SLC35F4: variants seen among roughly 807,000 people sequenced by gnomAD.
SLC35F4 encodes chromosome 14 open reading frame 36.
Under a neutral mutation model 44.2 loss-of-function variants are expected in SLC35F4, and 24 were observed. That is an observed-to-expected ratio of 0.54 (90% CI 0.39 to 0.76). The LOEUF (loss-of-function observed/expected upper bound fraction) is 0.76. Ranked by LOEUF, SLC35F4 falls within the 30% of genes least tolerant of loss-of-function variation. The pLI is 0.00. For synonymous variants in SLC35F4, 238 were observed against 223.6 expected (o/e 1.06, Z -0.57); for missense variants, 562 against 586.1 (o/e 0.96, Z 0.42).
intron 5 of SLC35F4, 21 bp from the exon 6 acceptor site, chr14:57,570,001 T>G (rs1210664621): frequency 6.4e-7 from 1 of 1,571,712 alleles, no homozygotes; most frequent in Admixed American, 1.9e-5. Context: ...AAAGAAACTC[T>G]ACAGCCACAC....
At chr14:57,880,217 A>G (rs896872612) in intron 1 of SLC35F4, among the ~76,000 whole-genome samples, 1 of 152,220 alleles carries the variant, frequency 6.6e-6, no homozygotes, top group African/African-American at 2.4e-5. Flanking sequence ...TCATGAGGAT[A>G]AAATGAGATG....
At chr14:57,888,711 A>G (rs1888701700) in intron 1 of SLC35F4, among the ~76,000 whole-genome samples, 1 of 152,234 alleles carries the variant, frequency 6.6e-6, no homozygotes, top group Non-Finnish European at 1.5e-5. Flanking sequence ...AATTGGAAAA[A>G]GAAAAACAAG....
chr14:57,796,813 AACACACAT>A (rs1259555359), intron 1 of SLC35F4, among the ~76,000 whole-genome samples: 1 of 152,150 alleles, frequency 6.6e-6, no homozygotes, highest in African/African-American at 2.4e-5. Context: ...CTTGCACACA[AACACACAT>A]ACACACAAAC....
intron 1 of SLC35F4, among the ~76,000 whole-genome samples, chr14:57,693,549 T>C (rs1183760533): frequency 6.6e-6 from 1 of 152,216 alleles, no homozygotes; most frequent in Non-Finnish European, 1.5e-5. Context: ...CCCATCCCTT[T>C]ATTTTGGCCC....
At chr14:57,615,357 T>C (rs996766372) in intron 1 of SLC35F4, among the ~76,000 whole-genome samples, 1 of 138,668 alleles carries the variant, frequency 7.2e-6, no homozygotes, top group African/African-American at 2.7e-5. Context: ...AACATTTTCC[T>C]TTTTTTTTTT....
intron 1 of SLC35F4, among the ~76,000 whole-genome samples, chr14:57,694,350 G>T (rs1202392361): frequency 6.6e-6 from 1 of 152,122 alleles, no homozygotes. Flanking sequence ...AAAATTGTGT[G>T]ATACAGTTGT....
chr14:57,602,595 T>C (rs979347782), intron 1 of SLC35F4: 1 of 152,152 alleles, frequency 6.6e-6, no homozygotes, highest in South Asian at 2.1e-4. Flanking sequence ...GTTAAGAACA[T>C]AAACAATGCA....
chr14:57,655,935 T>C (rs2073950269), intron 1 of SLC35F4, among the ~76,000 whole-genome samples: 2 of 152,108 alleles, frequency 1.3e-5, no homozygotes, highest in Admixed American at 6.5e-5. Flanking sequence ...ATATGTGTGA[T>C]CGTCTAATCT....
intron 1 of SLC35F4, among the ~76,000 whole-genome samples, chr14:57,901,644 C>T (rs941478296): frequency 2.6e-5 from 4 of 152,116 alleles, no homozygotes; most frequent in African/African-American, 9.7e-5. Context: ...AACAAACCTG[C>T]ACATCCTGCA....
intron 1 of SLC35F4, among the ~76,000 whole-genome samples, chr14:57,853,647 T>G (rs1886793456): frequency 6.6e-6 from 1 of 152,158 alleles, no homozygotes; most frequent in Admixed American, 6.5e-5. Context: ...CTCTCTTGAA[T>G]AGAGGACACG....
At chr14:57,980,449 T>A (rs541958773) in intron 1 of SLC35F4, among the ~76,000 whole-genome samples, 3 of 152,308 alleles carry the variant, frequency 2.0e-5, no homozygotes, top group Non-Finnish European at 4.4e-5. Context: ...ACCTCTGGGC[T>A]GTTAGTGTGT....
chr14:57,686,254 A>T (rs1009528619), intron 1 of SLC35F4, among the ~76,000 whole-genome samples: 15 of 152,110 alleles, frequency 9.9e-5, no homozygotes, highest in Non-Finnish European at 7.4e-5. Context: ...AAAATGCCTT[A>T]ATGTTACCAA....
chr14:57,975,645 CCCA>C (rs1881193697), downstream of SLC35F4, among the ~76,000 whole-genome samples: 1 of 152,068 alleles, frequency 6.6e-6, no homozygotes, highest in South Asian at 2.1e-4. Flanking sequence ...GACCTGAAAA[CCCA>C]CCAAATGAAT....
chr14:57,904,069 GA>G (rs1889063681), intron 1 of SLC35F4, among the ~76,000 whole-genome samples: 1 of 152,168 alleles, frequency 6.6e-6, no homozygotes, highest in Admixed American at 6.5e-5. Context: ...ACTGAACAAA[GA>G]ATAACTATAA....
intron 1 of SLC35F4, among the ~76,000 whole-genome samples, chr14:57,621,750 G>A (rs1336055324): frequency 6.6e-6 from 1 of 150,864 alleles, no homozygotes; most frequent in African/African-American, 2.4e-5. Flanking sequence ...TCAGGACACA[G>A]GCATGGGCAA....
chr14:57,886,382 GGTT>G (rs2141035979), intron 1 of SLC35F4, among the ~76,000 whole-genome samples: 1 of 152,182 alleles, frequency 6.6e-6, no homozygotes, highest in South Asian at 2.1e-4. Flanking sequence ...AGCTCACTTA[GGTT>G]GTTGACAGAA....
intron 1 of SLC35F4, among the ~76,000 whole-genome samples, chr14:57,880,557 T>A (rs1888513227): frequency 6.6e-6 from 1 of 152,250 alleles, no homozygotes; most frequent in African/African-American, 2.4e-5. Context: ...TACCCCATTA[T>A]ATTTTAAATC....
intron 1 of SLC35F4, among the ~76,000 whole-genome samples, chr14:57,614,746 G>A (rs2140064848): frequency 6.6e-6 from 1 of 152,260 alleles, no homozygotes; most frequent in South Asian, 2.1e-4. Context: ...AGGGAGTGGT[G>A]GGTATGGGAT....
chr14:57,750,265 A>G (rs1264706142), intron 1 of SLC35F4, among the ~76,000 whole-genome samples: 1 of 152,098 alleles, frequency 6.6e-6, no homozygotes, highest in Non-Finnish European at 1.5e-5. Context: ...GTATATATAT[A>G]CCACATTTTC....
Sources: gnomAD v4.1 joint callset for allele counts (sites outside exome capture counted in the v4.1 genomes callset) on GRCh38, gnomAD v4.1.1 for gene constraint, MANE v1.5 for transcripts, NCBI Gene and HGNC (gene_info 2026-07-23, HGNC 2026-07-21) for gene names.